Variants in TMC3 observed in about 807,000 individuals in gnomAD.
TMC3 encodes the protein transmembrane channel like 3, also known as transmembrane channel-like protein 3.
In TMC3, 98 loss-of-function variants were observed where a neutral mutation model predicts 110.6. The ratio of observed to expected loss-of-function variants is 0.89; its 90% CI spans 0.75 to 1.05. TMC3 has a LOEUF of 1.05. Ranked by LOEUF, TMC3 falls within the 50% of genes least tolerant of loss-of-function variation. The probability of loss-of-function intolerance (pLI) is 0.00; values close to 1 mark genes in which losing one functional copy is unlikely to be tolerated. For missense variants in TMC3, 1,319 were observed against 1,373.2 expected, an observed-to-expected ratio of 0.96 and a Z score of 0.62; for synonymous variants, 489 against 513.1, an observed-to-expected ratio of 0.95 and a Z score of 0.63.
rs145188541 is a variant in TMC3, at chr15:81,368,091, C to T, written c.312+162G>A. Among the ~76,000 whole-genome samples the T allele has an allele frequency of 6.3e-3, 958 of 152,182 alleles. 8 individuals carry two copies. The highest frequency in any genetic ancestry group is 0.022 in the African/African-American group (912 of 41,522). ...CTGGGACTACAGGCGCCTGCCACCA[C>T]GCCCGGCTAATTTTTGTATTTTTAG... On this transcript the variant is annotated intron_variant, in intron 3 of 21. Transcript: ENST00000359440.
In TMC3 at chr15:81,332,573, C is replaced by G. The variant is rs370751216; in HGVS notation, c.3149G>C (p.Ser1050Thr). The change falls in exon 22 of 22, where the codon AGT becomes ACT. Residue 1050 changes from serine to threonine, a missense_variant. Transcript: ENST00000359440. Reference sequence around the variant, plus strand: ...GTCAGCGCTGCTGTTCTGCTGGTCACTGCTGGATGCTGCCGACACGGAGTC... The same window carrying G: ...GTCAGCGCTGCTGTTCTGCTGGTCAGTGCTGGATGCTGCCGACACGGAGTC... ...ESDSVSAASS[S>T]DQQNSSADQY... 661 of 1,613,906 alleles carry G rather than the reference C, an allele frequency of 4.1e-4. No homozygotes were observed. The highest frequency in any genetic ancestry group is 5.5e-4 in the Non-Finnish European group (651 of 1,179,912).
At position 81,372,349 on chromosome 15, in the gene TMC3, GACACACACACACACACACACACAC is replaced by G. The variant is rs371289786; in HGVS notation, c.236+218_236+241del. On this transcript the variant is annotated intron_variant, in intron 2 of 21. Transcript: ENST00000359440. ...TCTCTTTCTCTGTATCTGTCTCTCTGACACACACACACACACACACACACACACACACACACACACACACACACA... is the reference window on the plus strand; with the variant it reads ...TCTCTTTCTCTGTATCTGTCTCTCTGACACACACACACACACACACACACA... Among the ~76,000 whole-genome samples, 164 of 116,858 alleles carry G rather than the reference GACACACACACACACACACACACAC, an allele frequency of 1.4e-3. 2 individuals carry two copies. The highest frequency in any genetic ancestry group is 3.9e-3 in the African/African-American group (124 of 31,864). 76.7% of individuals were successfully genotyped at this position (116,858 alleles called of 152,430 possible).
Position 81,355,711 on chromosome 15 carries a change from G to A in TMC3, c.935+14C>T, listed in dbSNP as rs746853141. Reference sequence around the variant, plus strand: ...CTTATCAATGAATTCAGCATGGGGAGTAATAATACCTACAGGTTTTTGCTT... The same window carrying A: ...CTTATCAATGAATTCAGCATGGGGAATAATAATACCTACAGGTTTTTGCTT... On this transcript the variant is annotated intron_variant, in intron 9 of 21. Transcript: ENST00000359440. 6.4e-7 allele frequency: 1 copy of A among 1,574,260 alleles called. No individual in the cohort carries two copies. The highest frequency in any genetic ancestry group is 1.1e-5 in the South Asian group (1 of 87,498).
At chr15:81,371,659 A>T (rs1314807576) in intron 2 of TMC3, among the ~76,000 whole-genome samples, 1 of 152,214 alleles carries the variant, frequency 6.6e-6, no homozygotes, top group Non-Finnish European at 1.5e-5. Flanking sequence ...AGTGACTGTT[A>T]AATACCAGAT....
At chr15:81,340,205 T>G (rs1180647816) in intron 16 of TMC3, among the ~76,000 whole-genome samples, 1 of 131,778 alleles carries the variant, frequency 7.6e-6, no homozygotes, top group Admixed American at 7.4e-5. Context: ...GGTCTGTTTC[T>G]CTGTCTCTCT....
chr15:81,343,245 T>G, intron 15 of TMC3, 33 bp downstream of exon 15: 1 of 1,431,714 alleles, frequency 7.0e-7, no homozygotes, highest in Non-Finnish European at 9.9e-7. Flanking sequence ...AGATGAGATG[T>G]AAGCAAAGGC....
At chr15:81,345,715 C>G (rs563229075) in intron 12 of TMC3, among the ~76,000 whole-genome samples, 1 of 150,242 alleles carries the variant, frequency 6.7e-6, no homozygotes, top group East Asian at 1.9e-4. Context: ...ATAAAAAATA[C>G]AAAAAAAAAT....
chr15:81,368,191 C>A, intron 3 of TMC3, 62 bp downstream of exon 3: 3 of 1,291,802 alleles, frequency 2.3e-6, no homozygotes, highest in Non-Finnish European at 3.4e-6. Flanking sequence ...CCTTGGCCTC[C>A]CAAAGCACTG....
chr15:81,350,911 T>G (rs538612740), intron 10 of TMC3, among the ~76,000 whole-genome samples: 23 of 152,336 alleles, frequency 1.5e-4, no homozygotes, highest in Admixed American at 1.4e-3. Flanking sequence ...GGGAGAAGAT[T>G]GTTTAAAAAA....
At chr15:81,349,770 T>TG (rs1226110506) in intron 10 of TMC3, among the ~76,000 whole-genome samples, 10 of 151,100 alleles carry the variant, frequency 6.6e-5, no homozygotes, top group African/African-American at 2.5e-4. Flanking sequence ...TTTTTTTTTT[T>TG]TTTTTTTGAA....
At chr15:81,339,288 T>C (rs1893662466) in intron 17 of TMC3, 106 bp downstream of exon 17, 2 of 872,696 alleles carry the variant, frequency 2.3e-6, no homozygotes, top group South Asian at 3.1e-5. Flanking sequence ...GCAATCTTTC[T>C]ATCCTGTTTA....
At position 81,344,082 on chromosome 15, in the gene TMC3, C is replaced by T. The variant is rs1188613085; in HGVS notation, c.1519-37G>A. 105 of 1,587,718 alleles carry T rather than the reference C, an allele frequency of 6.6e-5. 1 individual carries two copies. In the Admixed American group the frequency reaches 1.8e-3, roughly 26 times the overall value. On this transcript the variant is annotated intron_variant, in intron 13 of 21. Transcript: ENST00000359440. ...GGCGTCCCTGGATGCCACCATGCCC[C>T]ACCCTTCCCACGGTCACTCTTCCTT...
chr15:81,336,439 G>A (rs567420127), intron 20 of TMC3, among the ~76,000 whole-genome samples, 170 bp downstream of exon 20: 14 of 152,182 alleles, frequency 9.2e-5, no homozygotes, highest in South Asian at 2.1e-4. Flanking sequence ...GTGATGGCAC[G>A]CACCTGTAAT....
chr15:81,356,428 C>T lies in TMC3; in HGVS notation c.891+19G>A. The T allele has an allele frequency of 1.3e-6, 2 of 1,558,806 alleles. No homozygotes were observed. Among genetic ancestry groups the T allele is most frequent in the Non-Finnish European group, 1.7e-6 (2 of 1,151,718 alleles). On this transcript the variant is annotated intron_variant, in intron 8 of 21. Transcript: ENST00000359440. The stretch of plus-strand genomic sequence containing the variant: ...CTGAGCTGCCCACCCCCGCAGGCTG[C>T]ACAGGCTCACTCACTCACCCTGATG...
rs775307468 is a variant in TMC3 at position 81,338,779 on chromosome 15, C to T, written c.1957G>A (p.Gly653Arg). 1.2e-6 allele frequency: 2 copies of T among 1,613,334 alleles called. No homozygotes were observed. Among genetic ancestry groups the T allele is most frequent in the South Asian group, 1.1e-5 (1 of 90,978 alleles). ...KPSLNCGPFSGQEKIYDIVSE... is the reference protein window; with the variant it reads ...KPSLNCGPFSRQEKIYDIVSE... ...ACAATGTCATAAATTTTCTCTTGTC[C>T]ACTGTGAGAAAGAAAAACATAACTC... is the stretch of plus-strand genomic sequence containing the variant. The change falls in exon 18 of 22, where the codon GGA (glycine) becomes AGA (arginine). Residue 653 changes from glycine to arginine, a missense_variant and splice_region_variant. By Grantham distance (125) the Gly-to-Arg change is moderately radical. Coordinates refer to ENST00000359440, the MANE Select transcript of TMC3 (RefSeq NM_001080532.3).
Position 81,358,501 on chromosome 15 carries a change from C to T in TMC3, c.502-1G>A, listed in dbSNP as rs1403848788. 6.2e-7 allele frequency: 1 copy of T among 1,606,772 alleles called. No homozygotes were observed. Among genetic ancestry groups the T allele is most frequent in the South Asian group, 1.1e-5 (1 of 90,072 alleles). On this transcript the variant is annotated splice_acceptor_variant, in intron 5 of 21. Transcript: ENST00000359440. LOFTEE classifies it high-confidence loss of function. ...TTCCAAAGGGCTGGCCTGCAATCAG[C>T]TGGTGAGAGAAGAAAGCATGTCATG... is the stretch of plus-strand genomic sequence containing the variant.
At chr15:81,350,432 T>TTGTTTCTC (rs11282746) in intron 10 of TMC3, among the ~76,000 whole-genome samples, 26,758 of 152,162 alleles carry the variant, frequency 0.18, 4,790 homozygotes, top group African/African-American at 0.47. Flanking sequence ...GGCCTGGCTT[T>TTGTTTCTC]TGTACTTAGA....
chr15:81,348,276 T>C (rs1037593317), intron 11 of TMC3, among the ~76,000 whole-genome samples: 4 of 152,206 alleles, frequency 2.6e-5, no homozygotes, highest in African/African-American at 9.7e-5. Context: ...TAGAATGTTA[T>C]TAGGTGTTAC....
chr15:81,349,759 C>CA lies in TMC3; in HGVS notation c.1084-193_1084-192insT, dbSNP rs1358547112. Among the ~76,000 whole-genome samples the CA allele has an allele frequency of 5.6e-3, 729 of 129,458 alleles. 6 individuals carry two copies. The highest frequency in any genetic ancestry group is 7.6e-3 in the Non-Finnish European group (464 of 61,394). The allele number at this position is 129,458 out of a possible 152,430, so 84.9% of individuals were successfully genotyped here. On this transcript the variant is annotated intron_variant, in intron 10 of 21. Coordinates refer to ENST00000359440, the MANE Select transcript of TMC3 (RefSeq NM_001080532.3). ...AAGGCGGCCACCACTTTATCATGGT[C>CA]TTTTTTTTTTTTTTTTTTGAACTCT...
Sources: gnomAD v4.1 joint callset for allele counts (sites outside exome capture counted in the v4.1 genomes callset) on GRCh38, gnomAD v4.1.1 for gene constraint, MANE v1.5 for transcripts, NCBI Gene and HGNC (gene_info 2026-07-23, HGNC 2026-07-21) for gene names.